CES4A: variants seen among roughly 807,000 people sequenced by gnomAD.
The protein encoded by CES4A is carboxylesterase 6.
Under a neutral mutation model 65.4 loss-of-function variants are expected in CES4A, and 48 were observed. The ratio of observed to expected loss-of-function variants is 0.73; its 90% confidence interval spans 0.58 to 0.93. The LOEUF (loss-of-function observed/expected upper bound fraction) is 0.93. CES4A is among the 40% of genes least tolerant of loss of function. The probability of loss-of-function intolerance (pLI) is 0.00; values close to 1 mark genes in which losing one functional copy is unlikely to be tolerated. For missense variants in CES4A, 685 were observed against 728.5 expected (o/e 0.94, Z 0.69); for synonymous variants, 247 against 281.8 (o/e 0.88, Z 1.24).
exon 14 of CES4A, chr16:67,009,012 A>G: frequency 2.5e-6 from 4 of 1,614,126 alleles, no homozygotes; most frequent in African/African-American, 1.3e-5. Flanking sequence ...TGGCCACGCT[A>G]CAACAAGGAT....
At chr16:66,995,740 C>T (rs774606089) in exon 2 of CES4A, 1 of 1,614,094 alleles carries the variant, frequency 6.2e-7, no homozygotes, top group Non-Finnish European at 8.5e-7. Flanking sequence ...TCCCCTTCTC[C>T]AGACCTCCTC....
chr16:66,997,534 T>A (rs1964950329), intron 2 of CES4A, among the ~76,000 whole-genome samples: 1 of 152,186 alleles, frequency 6.6e-6, no homozygotes, highest in Non-Finnish European at 1.5e-5. Context: ...TGGCAGGATT[T>A]GCTGGAGAAT....
intron 13 of CES4A, 160 bp from the exon 14 acceptor site, chr16:67,008,814 A>G: frequency 1.4e-6 from 1 of 722,814 alleles, no homozygotes; most frequent in Non-Finnish European, 2.3e-6. Flanking sequence ...GGCCCACCCC[A>G]ATACACACTT....
In CES4A at chr16:67,003,954, C is replaced by T; in HGVS notation, c.940-130C>T. ...CCCACACCCATCCTCCTGGGGCTCA[C>T]CATGCCAGCCCCAGCCTTTTCCCAA... On this transcript the variant is annotated intron_variant, in intron 8 of 13. Transcript: ENST00000648724. The surrounding 1 kb of genome is among the most constrained non-coding windows in gnomAD (Gnocchi z 4.2). 1.0e-6 allele frequency: 1 copy of T among 981,612 alleles called. No homozygotes were observed. The highest frequency in any genetic ancestry group is 1.5e-5 in the South Asian group (1 of 66,042). The allele number at this position is 981,612 out of a possible 1,614,324, so 60.8% of individuals were successfully genotyped here. A position where few individuals can be genotyped will look rare whatever the true frequency, so the allele number is the denominator to read the frequency against.
intron 11 of CES4A, 194 bp downstream of exon 11, chr16:67,005,587 C>G: frequency 3.6e-6 from 2 of 559,874 alleles, no homozygotes; most frequent in Non-Finnish European, 6.1e-6. Flanking sequence ...TGGCTCACAC[C>G]TGTAATCCCA....
Position 67,000,880 on chromosome 16 carries a change from C to A in CES4A, c.426C>A (p.Gly142=), listed in dbSNP as rs767605019. 3 of 1,605,912 alleles carry A rather than the reference C, an allele frequency of 1.9e-6. No homozygotes were observed. The highest frequency in any genetic ancestry group is 1.7e-6 in the Non-Finnish European group (2 of 1,176,364). Reference sequence around the variant, plus strand: ...AGGTGATGGTCTGGTTCCCGGGAGGCGCCTTCATCGTGGGCGCTGCTTCTT... The same window carrying A: ...AGGTGATGGTCTGGTTCCCGGGAGGAGCCTTCATCGTGGGCGCTGCTTCTT... The change falls in exon 4 of 14, where the codon GGC becomes GGA. Residue 142 remains glycine, a synonymous_variant. Transcript: ENST00000648724. The surrounding 1 kb of genome is among the most constrained non-coding windows in gnomAD (Gnocchi z 4.2).
intron 1 of CES4A, among the ~76,000 whole-genome samples, chr16:66,994,180 T>A (rs1191196622): frequency 6.6e-6 from 1 of 151,840 alleles, no homozygotes; most frequent in Non-Finnish European, 1.5e-5. Flanking sequence ...TGCCATTAAA[T>A]GACGCAGAGA....
intron 2 of CES4A, among the ~76,000 whole-genome samples, chr16:66,998,753 G>T (rs575774692): frequency 2.5e-4 from 38 of 152,234 alleles, no homozygotes; most frequent in Non-Finnish European, 4.4e-4. Flanking sequence ...TCAGGAGGCT[G>T]AGGCAGTGAG....
At position 66,996,066 on chromosome 16, in the gene CES4A, T is replaced by C. The variant is rs957634617; in HGVS notation, c.260+237T>C. ...TTGTTTTTGTTTTTTTTAGATGGAG[T>C]CTCGCTCTGTCGCCAGGCTGGAGTG... On this transcript the variant is annotated intron_variant, in intron 2 of 13. Transcript: ENST00000648724. The C allele has an allele frequency of 8.1e-6, 5 of 618,006 alleles. No homozygotes were observed. In the East Asian group the frequency reaches 1.3e-4, roughly 17 times the overall value. The allele number at this position is 618,006 out of a possible 1,614,324, so 38.3% of individuals were successfully genotyped here. A position where few individuals can be genotyped will look rare whatever the true frequency, so the allele number is the denominator to read the frequency against.
exon 14 of CES4A, chr16:67,009,436 CT>C: frequency 7.1e-6 from 2 of 281,842 alleles, no homozygotes; most frequent in Non-Finnish European, 1.3e-5. Context: ...AGGACAACCT[CT>C]TTTTTTCCCT....
chr16:67,006,553 GTCCAGTC>G (rs1264571026), intron 12 of CES4A, 34 bp downstream of exon 12: 2 of 1,546,360 alleles, frequency 1.3e-6, no homozygotes, highest in South Asian at 2.3e-5. Flanking sequence ...CCAACTGGGT[GTCCAGTC>G]TCCCACCTCT....
chr16:67,003,421 A>T lies in CES4A; in HGVS notation c.900+61A>T. 1.3e-6 allele frequency: 2 copies of T among 1,590,106 alleles called. No individual in the cohort carries two copies. The highest frequency in any genetic ancestry group is 1.7e-6 in the Non-Finnish European group (2 of 1,158,552). On this transcript the variant is annotated intron_variant, in intron 7 of 13. Transcript: ENST00000648724. The surrounding 1 kb of genome is among the most constrained non-coding windows in gnomAD (Gnocchi z 4.2). Reference sequence around the variant, plus strand: ...CTGAGGGCCATCCTCCTATCCTGGTACCCAGCCACCCCCAACTACTTCCCC... The same window carrying T: ...CTGAGGGCCATCCTCCTATCCTGGTTCCCAGCCACCCCCAACTACTTCCCC...
At chr16:67,005,051 C>T in intron 10 of CES4A, 178 bp downstream of exon 10, 1 of 745,078 alleles carries the variant, frequency 1.3e-6, no homozygotes, top group Non-Finnish European at 2.2e-6. Flanking sequence ...CTCAGGGTCA[C>T]AGGGGCAGTT....
At position 67,008,970 on chromosome 16, in the gene CES4A, G is replaced by T; in HGVS notation, c.1518-4G>T. On this transcript the variant is annotated splice_polypyrimidine_tract_variant and splice_region_variant and intron_variant, in intron 13 of 13. Coordinates refer to ENST00000648724, the Ensembl canonical transcript of CES4A. ...GTAATCCTCTCTTTTTTATTTCTGG[G>T]CAGAAACCCCAATGATGGGAATCTG... 3 of 1,605,926 alleles carry T rather than the reference G, an allele frequency of 1.9e-6. No individual in the cohort carries two copies. Among genetic ancestry groups the T allele is most frequent in the Admixed American group, 3.5e-5 (2 of 57,290 alleles).
chr16:67,004,110 G>A (rs1965560241), exon 9 of CES4A: 4 of 1,614,166 alleles, frequency 2.5e-6, no homozygotes, highest in Non-Finnish European at 2.5e-6. Flanking sequence ...GCCCTGTGGT[G>A]GATGGTGTGG....
At chr16:66,994,276 G>A (rs1372592327) in intron 1 of CES4A, among the ~76,000 whole-genome samples, 3 of 145,946 alleles carry the variant, frequency 2.1e-5, no homozygotes, top group East Asian at 2.2e-4. Context: ...TCACTCTGTT[G>A]CCCAGGCTGG....
chr16:66,996,061 T>TG (rs1353994932), intron 2 of CES4A: 4 of 641,190 alleles, frequency 6.2e-6, no homozygotes, highest in Middle Eastern at 4.0e-4. Flanking sequence ...TTTTTTTAGA[T>TG]GGAGTCTCGC....
chr16:67,003,881 C>T lies in CES4A; in HGVS notation c.940-203C>T, dbSNP rs543236054. On this transcript the variant is annotated intron_variant, in intron 8 of 13. Transcript: ENST00000648724. The surrounding 1 kb of genome is among the most constrained non-coding windows in gnomAD (Gnocchi z 4.2). ...AAGGAGTGAGCTATACAGATACCCGCGGCCATCCCAAGTCCACGTAATTTG... is the reference window on the plus strand; with the variant it reads ...AAGGAGTGAGCTATACAGATACCCGTGGCCATCCCAAGTCCACGTAATTTG... Among the ~76,000 whole-genome samples, 8 of 152,206 alleles carry T rather than the reference C, an allele frequency of 5.3e-5. No individual in the cohort carries two copies. The highest frequency in any genetic ancestry group is 1.9e-4 in the East Asian group (1 of 5,182).
Position 67,003,144 on chromosome 16 carries a change from C to T in CES4A, c.765C>T (p.Phe255=), listed in dbSNP as rs780295378. The T allele has an allele frequency of 6.8e-6, 11 of 1,614,040 alleles. No homozygotes were observed. In the Admixed American group the frequency reaches 8.3e-5, roughly 12 times the overall value. ...GTGGCACCGCGTTATTCAGACTTTTCATCACTAGTAACCCACTGAAAGTGG... is the reference window on the plus strand; with the variant it reads ...GTGGCACCGCGTTATTCAGACTTTTTATCACTAGTAACCCACTGAAAGTGG... The change falls in exon 6 of 14, where the codon TTC becomes TTT. Residue 255 remains phenylalanine (F), a synonymous_variant. Coordinates refer to ENST00000648724, the Ensembl canonical transcript of CES4A. This position sits in a 1 kb window ranked among gnomAD's most constrained non-coding sequence, Gnocchi z 4.2.
Sources: gnomAD v4.1 joint callset for allele counts (sites outside exome capture counted in the v4.1 genomes callset) on GRCh38, gnomAD v4.1.1 for gene constraint, Gnocchi (gnomAD v3.1) non-coding constraint, MANE v1.5 for transcripts, NCBI Gene and HGNC (gene_info 2026-07-23, HGNC 2026-07-21) for gene names.